Variants in HTR3B observed in about 807,000 individuals in gnomAD.
The protein encoded by HTR3B is 5-hydroxytryptamine (serotonin) receptor 3B, ionotropic.
Under a neutral mutation model 42.8 loss-of-function variants are expected in HTR3B, and 44 were observed. The observed-to-expected ratio is 1.03, with a 90% CI of 0.81 to 1.32. The LOEUF (loss-of-function observed/expected upper bound fraction) is 1.32. Among genes scored for constraint, HTR3B ranks in the 40% most tolerant of loss-of-function variants. The pLI is 0.00. For missense variants in HTR3B, 527 were observed against 536.5 expected (o/e 0.98, Z 0.17); for synonymous variants, 203 against 209.0 (o/e 0.97, Z 0.25).
At chr11:113,932,484 T>C in intron 5 of HTR3B, 26 bp downstream of exon 5, 1 of 1,584,654 alleles carries the variant, frequency 6.3e-7, no homozygotes, top group East Asian at 2.2e-5. Flanking sequence ...TACCCATTAA[T>C]GCTAGGTTGG....
chr11:113,944,850 G>C, intron 8 of HTR3B, 95 bp downstream of exon 8: 1 of 1,180,316 alleles, frequency 8.5e-7, no homozygotes, highest in Non-Finnish European at 1.2e-6. Context: ...GTTGGCCTAT[G>C]TGAAAAACCT....
rs1565569718 is a variant in HTR3B, at chr11:113,945,968, A to T, written c.1157A>T (p.Gln386Leu). 3.7e-6 allele frequency: 6 copies of T among 1,614,020 alleles called. No individual in the cohort carries two copies. The highest frequency in any genetic ancestry group is 2.2e-5 in the East Asian group (1 of 44,872). The change falls in exon 9 of 9, where the codon CAA (glutamine) becomes CTA (leucine). Residue 386 changes from glutamine to leucine, a missense_variant. Coordinates refer to ENST00000260191, the MANE Select transcript of HTR3B (RefSeq NM_006028.5). ...GTLKEVWSQL[Q>L]SISNYLQTQD... ...CTGAAGGAAGTCTGGTCGCAGCTTCAATCTATCAGCAACTACCTCCAAACT... is the reference window on the plus strand; with the variant it reads ...CTGAAGGAAGTCTGGTCGCAGCTTCTATCTATCAGCAACTACCTCCAAACT...
chr11:113,920,925 G>A (rs1949905625), intron 2 of HTR3B, among the ~76,000 whole-genome samples: 1 of 151,758 alleles, frequency 6.6e-6, no homozygotes, highest in Non-Finnish European at 1.5e-5. Context: ...CGATTTTCCT[G>A]CCTCAGCCTC....
chr11:113,935,929 C>T (rs1439849057), intron 6 of HTR3B, among the ~76,000 whole-genome samples: 1 of 152,156 alleles, frequency 6.6e-6, no homozygotes, highest in Non-Finnish European at 1.5e-5. Flanking sequence ...CCGGATGCCC[C>T]ATGAGTTTCA....
rs138329214 is a variant in HTR3B, at chr11:113,940,703, C to T, written c.697-2279C>T. Among the ~76,000 whole-genome samples the T allele has an allele frequency of 5.6e-3, 853 of 152,306 alleles. 1 individual carries two copies. The highest frequency in any genetic ancestry group is 9.0e-3 in the Non-Finnish European group (613 of 68,030). ...AAGCTCCACAGAGTCGGGATGTGCT[C>T]CCAGACCCAATGGCTGGAGAGCCCC... On this transcript the variant is annotated intron_variant, in intron 6 of 8. Transcript: ENST00000260191.
chr11:113,933,720 G>A lies in HTR3B; in HGVS notation c.696+627G>A, dbSNP rs187671582. 7.9e-5 allele frequency among the ~76,000 whole-genome samples: 12 copies of A among 152,266 alleles called. No individual in the cohort carries two copies. In the East Asian group the frequency reaches 2.3e-3, roughly 30 times the overall value. On this transcript the variant is annotated intron_variant, in intron 6 of 8. Coordinates refer to ENST00000260191, the MANE Select transcript of HTR3B (RefSeq NM_006028.5). ...GAAATTTGTCCGGCATGAAACTAGG[G>A]GATGGTGGGGTACAGGACAGTGAAG...
At chr11:113,929,381 GT>G (rs1950009038) in intron 2 of HTR3B, among the ~76,000 whole-genome samples, 1 of 152,002 alleles carries the variant, frequency 6.6e-6, no homozygotes, top group Non-Finnish European at 1.5e-5. Context: ...CCAACATCAG[GT>G]TCTGGCTGAT....
At chr11:113,910,082 C>A (rs142895706) in intron 2 of HTR3B, among the ~76,000 whole-genome samples, 1 of 150,540 alleles carries the variant, frequency 6.6e-6, no homozygotes, top group African/African-American at 2.4e-5. Flanking sequence ...GGTATTTTAT[C>A]CTATGGTTCA....
At chr11:113,916,033 C>T (rs554833866) in intron 2 of HTR3B, among the ~76,000 whole-genome samples, 3 of 152,256 alleles carry the variant, frequency 2.0e-5, no homozygotes, top group Admixed American at 2.0e-4. Context: ...GAGATGGTTT[C>T]GCCGTGTTGG....
intron 1 of HTR3B, among the ~76,000 whole-genome samples, chr11:113,905,955 T>C (rs1329624162): frequency 3.3e-5 from 5 of 152,054 alleles, no homozygotes; most frequent in Non-Finnish European, 7.4e-5. Flanking sequence ...TTGTAAAAAA[T>C]AAAAACAGAG....
intron 2 of HTR3B, among the ~76,000 whole-genome samples, chr11:113,911,204 G>A (rs1949789329): frequency 6.6e-6 from 1 of 151,886 alleles, no homozygotes; most frequent in South Asian, 2.1e-4. Flanking sequence ...GATGAATGTT[G>A]CTAATTACAT....
In HTR3B at chr11:113,943,117, C is replaced by CT. The variant is rs751013344; in HGVS notation, c.833dup (p.Val279GlyfsTer41). ...CAGGATTGTGTTCAAGACCAGTGTG[C>CT]TGGTGGGCTACACCGTCTTCAGGGT... On this transcript the variant is annotated frameshift_variant, in exon 7 of 9. Coordinates refer to ENST00000260191, the MANE Select transcript of HTR3B (RefSeq NM_006028.5). LOFTEE classifies it high-confidence loss of function. The CT allele has an allele frequency of 6.2e-6, 10 of 1,614,022 alleles. No individual in the cohort carries two copies. Among genetic ancestry groups the CT allele is most frequent in the Non-Finnish European group, 8.5e-6 (10 of 1,180,028 alleles).
Position 113,928,090 on chromosome 11 carries a change from G to A in HTR3B, c.214-3294G>A, listed in dbSNP as rs971954174. ...GTGGTTCCCCTCTCCGTGTCCATGT[G>A]TTCTCATTGTTCAGCTCCCACTTAT... is the stretch of plus-strand genomic sequence containing the variant. On this transcript the variant is annotated intron_variant, in intron 2 of 8. Coordinates refer to ENST00000260191, the MANE Select transcript of HTR3B (RefSeq NM_006028.5). Among the ~76,000 whole-genome samples the A allele has an allele frequency of 2.6e-5, 4 of 152,100 alleles. 1 individual carries two copies. The highest frequency in any genetic ancestry group is 4.8e-5 in the African/African-American group (2 of 41,418).
At chr11:113,939,264 T>A (rs1291448718) in intron 6 of HTR3B, among the ~76,000 whole-genome samples, 1 of 152,240 alleles carries the variant, frequency 6.6e-6, no homozygotes, top group Non-Finnish European at 1.5e-5. Flanking sequence ...CTTGTCCCTA[T>A]GTCTTTTCCC....
intron 7 of HTR3B, among the ~76,000 whole-genome samples, chr11:113,943,790 G>A (rs1950155095): frequency 6.6e-6 from 1 of 151,526 alleles, no homozygotes; most frequent in Non-Finnish European, 1.5e-5. Flanking sequence ...TCCAGCCTGG[G>A]TGACAGAGCA....
At chr11:113,921,448 C>T (rs561413957) in intron 2 of HTR3B, among the ~76,000 whole-genome samples, 222 of 152,052 alleles carry the variant, frequency 1.5e-3, no homozygotes, top group African/African-American at 4.8e-3. Flanking sequence ...CCGGCCCCTT[C>T]GTATTTATTA....
At chr11:113,929,495 G>A (rs1010809256) in intron 2 of HTR3B, among the ~76,000 whole-genome samples, 6 of 151,798 alleles carry the variant, frequency 4.0e-5, no homozygotes, top group African/African-American at 1.5e-4. Flanking sequence ...TGTCTTATAA[G>A]GCCACCAATC....
intron 7 of HTR3B, among the ~76,000 whole-genome samples, chr11:113,943,787 T>C (rs1377428482): frequency 6.8e-6 from 1 of 146,890 alleles, no homozygotes; most frequent in Non-Finnish European, 1.5e-5. Flanking sequence ...CACTCCAGCC[T>C]GGGTGACAGA....
At chr11:113,940,155 A>G (rs963779714) in intron 6 of HTR3B, among the ~76,000 whole-genome samples, 1 of 152,040 alleles carries the variant, frequency 6.6e-6, no homozygotes, top group Non-Finnish European at 1.5e-5. Context: ...CCAAAGTGCT[A>G]GGATTACAGG....
Sources: allele counts gnomAD v4.1 joint callset (sites outside exome capture counted in the v4.1 genomes callset), GRCh38; gene constraint gnomAD v4.1.1; transcripts MANE v1.5; gene names NCBI Gene and HGNC (gene_info 2026-07-23, HGNC 2026-07-21).